Variants in KCNJ6 observed in about 807,000 individuals in gnomAD.
KCNJ6 encodes the protein potassium inwardly rectifying channel subfamily J member 6.
KCNJ6 carries 9 observed loss-of-function variants against 34.2 expected under a neutral mutation model. That is an observed-to-expected ratio of 0.26 (90% CI 0.16 to 0.46). The LOEUF is 0.46. Ranked by LOEUF, KCNJ6 falls within the 20% of genes least tolerant of loss-of-function variation. KCNJ6 has a pLI of 1.00. For missense variants in KCNJ6, 236 were observed against 531.3 expected, an observed-to-expected ratio of 0.44 and a Z score of 5.46; for synonymous variants, 196 against 207.1, an observed-to-expected ratio of 0.95 and a Z score of 0.46.
intron 2 of KCNJ6, among the ~76,000 whole-genome samples, chr21:37,717,999 G>A (rs549251652): frequency 3.3e-5 from 5 of 152,184 alleles, no homozygotes; most frequent in South Asian, 2.1e-4. Flanking sequence ...AATGAGTAGC[G>A]ATCAGTGCTC....
At chr21:37,855,594 C>T (rs559437793) in intron 1 of KCNJ6, among the ~76,000 whole-genome samples, 1 of 152,120 alleles carries the variant, frequency 6.6e-6, no homozygotes, top group South Asian at 2.1e-4. Flanking sequence ...CTTATGAAAT[C>T]AAAAATCCAA....
Position 37,805,964 on chromosome 21 carries a change from TG to T in KCNJ6, c.25+34693del, listed in dbSNP as rs531649370. Among the ~76,000 whole-genome samples, 413 of 152,326 alleles carry T rather than the reference TG, an allele frequency of 2.7e-3. 5 individuals are homozygous for T. The highest frequency in any genetic ancestry group is 9.4e-3 in the African/African-American group (390 of 41,576). On this transcript the variant is annotated intron_variant, in intron 2 of 3. Coordinates refer to ENST00000609713, the MANE Select transcript of KCNJ6 (RefSeq NM_002240.5). ...AACTTCTGGCCTCCAGACCTGCAAGTGAATAAATTTCTGTTGTTTTAAGTGC... is the reference window on the plus strand; with the variant it reads ...AACTTCTGGCCTCCAGACCTGCAAGTAATAAATTTCTGTTGTTTTAAGTGC...
chr21:37,838,917 G>T (rs1385813131), intron 2 of KCNJ6, among the ~76,000 whole-genome samples: 1 of 152,170 alleles, frequency 6.6e-6, no homozygotes, highest in Non-Finnish European at 1.5e-5. Context: ...GAGAGATCCA[G>T]TTGTTTAAAA....
At chr21:37,854,203 A>G (rs370144771) in intron 1 of KCNJ6, among the ~76,000 whole-genome samples, 1 of 152,060 alleles carries the variant, frequency 6.6e-6, no homozygotes, top group East Asian at 1.9e-4. Flanking sequence ...CACTTCAAAT[A>G]TAATGGTATG....
chr21:37,641,748 G>C (rs2054381841), intron 3 of KCNJ6, among the ~76,000 whole-genome samples: 1 of 152,268 alleles, frequency 6.6e-6, no homozygotes, highest in Admixed American at 6.5e-5. Flanking sequence ...ACACTGCTCT[G>C]ACTGCAGAGG....
chr21:37,654,158 A>G (rs1385950973), intron 3 of KCNJ6, among the ~76,000 whole-genome samples: 1 of 140,526 alleles, frequency 7.1e-6, no homozygotes, highest in East Asian at 2.1e-4. Context: ...ATGGACGTGC[A>G]GCACCAGGCA....
intron 2 of KCNJ6, among the ~76,000 whole-genome samples, chr21:37,770,457 C>T (rs2055112761): frequency 6.6e-6 from 1 of 151,964 alleles, no homozygotes; most frequent in Non-Finnish European, 1.5e-5. Flanking sequence ...GGTGATTGAT[C>T]CTTATCAACA....
chr21:37,819,875 C>T (rs183722867), intron 2 of KCNJ6, among the ~76,000 whole-genome samples: 201 of 152,074 alleles, frequency 1.3e-3, no homozygotes, highest in African/African-American at 4.6e-3. Context: ...CCTCTGCCCC[C>T]TGTGTTCAAA....
At chr21:37,629,879 T>G (rs757972449) in intron 3 of KCNJ6, among the ~76,000 whole-genome samples, 3 of 150,846 alleles carry the variant, frequency 2.0e-5, no homozygotes, top group African/African-American at 7.3e-5. Context: ...TTTTCCAATT[T>G]TTATTCATTT....
At chr21:37,851,507 C>A (rs2055537086) in intron 1 of KCNJ6, among the ~76,000 whole-genome samples, 1 of 152,098 alleles carries the variant, frequency 6.6e-6, no homozygotes, top group Non-Finnish European at 1.5e-5. Context: ...GTATTATTTT[C>A]TTGTGCTTCT....
Position 37,791,760 on chromosome 21 carries a change from A to AT in KCNJ6, c.25+48897dup, listed in dbSNP as rs538566874. Among the ~76,000 whole-genome samples the AT allele has an allele frequency of 2.7e-3, 399 of 149,796 alleles. 3 individuals carry two copies. Among genetic ancestry groups the AT allele is most frequent in the African/African-American group, 7.9e-3 (324 of 40,938 alleles). On this transcript the variant is annotated intron_variant, in intron 2 of 3. Transcript: ENST00000609713. ...TTTCCTAATCTGTTGGCAAAGATTG[A>AT]TTTTTTTTTTAGCCTGCTTTAAAAA... is the stretch of plus-strand genomic sequence containing the variant.
At chr21:37,644,689 C>T (rs1235934750) in intron 3 of KCNJ6, among the ~76,000 whole-genome samples, 2 of 152,168 alleles carry the variant, frequency 1.3e-5, no homozygotes, top group African/African-American at 4.8e-5. Flanking sequence ...CTTTTATTGC[C>T]TTTTCATAAT....
At chr21:37,713,954 A>C (rs1310903103) in intron 3 of KCNJ6, among the ~76,000 whole-genome samples, 1 of 152,068 alleles carries the variant, frequency 6.6e-6, no homozygotes, top group Non-Finnish European at 1.5e-5. Flanking sequence ...ATATTTGGAG[A>C]CTTAAAATAT....
intron 2 of KCNJ6, among the ~76,000 whole-genome samples, chr21:37,800,450 A>G (rs1308269853): frequency 6.6e-6 from 1 of 152,232 alleles, no homozygotes; most frequent in East Asian, 1.9e-4. Flanking sequence ...GATATTAAAC[A>G]TAATTTTGGA....
intron 3 of KCNJ6, among the ~76,000 whole-genome samples, chr21:37,676,665 G>A (rs2054566262): frequency 6.6e-6 from 1 of 152,250 alleles, no homozygotes; most frequent in Non-Finnish European, 1.5e-5. Flanking sequence ...CCAGAGCTGT[G>A]TTCTCAGCAG....
chr21:37,699,459 A>G (rs190454070), intron 3 of KCNJ6, among the ~76,000 whole-genome samples: 22 of 152,338 alleles, frequency 1.4e-4, no homozygotes, highest in Non-Finnish European at 2.8e-4. Flanking sequence ...CATATTAATT[A>G]GAAACTTCTG....
intron 2 of KCNJ6, among the ~76,000 whole-genome samples, chr21:37,754,588 C>T (rs985892913): frequency 6.6e-6 from 1 of 152,174 alleles, no homozygotes; most frequent in African/African-American, 2.4e-5. Flanking sequence ...GGACAATGGA[C>T]TGAATGCCAT....
At chr21:37,765,878 A>C (rs944767579) in intron 2 of KCNJ6, among the ~76,000 whole-genome samples, 4 of 152,258 alleles carry the variant, frequency 2.6e-5, no homozygotes, top group African/African-American at 4.8e-5. Flanking sequence ...TGTAAGAATC[A>C]ATTGGCTATG....
chr21:37,891,258 G>C (rs1052126627), intron 1 of KCNJ6, among the ~76,000 whole-genome samples: 1 of 114,970 alleles, frequency 8.7e-6, no homozygotes, highest in Non-Finnish European at 1.6e-5. Flanking sequence ...GACACACACA[G>C]GCAAAGACAC....
Sources: allele counts gnomAD v4.1 joint callset (sites outside exome capture counted in the v4.1 genomes callset), GRCh38; gene constraint gnomAD v4.1.1; transcripts MANE v1.5; gene names NCBI Gene and HGNC (gene_info 2026-07-23, HGNC 2026-07-21).